The following GRM7 variants were observed in gnomAD, a reference collection of about 807,000 sequenced individuals.
The protein encoded by GRM7 is glutamate metabotropic receptor 7.
Under a neutral mutation model 84.5 loss-of-function variants are expected in GRM7, and 35 were observed. That is an observed-to-expected ratio of 0.41 (90% CI 0.32 to 0.55). The LOEUF is 0.55. Ranked by LOEUF, GRM7 falls within the 20% of genes least tolerant of loss-of-function variation. The pLI is 0.19. For synonymous variants in GRM7, 487 were observed against 455.1 expected (o/e 1.07, Z -0.89); for missense variants, 1,003 against 1,194.6 (o/e 0.84, Z 2.36).
intron 1 of GRM7, among the ~76,000 whole-genome samples, chr3:7,119,060 T>C (rs888449828): frequency 6.6e-6 from 1 of 152,222 alleles, no homozygotes; most frequent in African/African-American, 2.4e-5. Flanking sequence ...AATTCTCATT[T>C]TAAAAATCAG....
At chr3:7,690,051 A>C (rs1700738877) in intron 9 of GRM7, among the ~76,000 whole-genome samples, 1 of 152,228 alleles carries the variant, frequency 6.6e-6, no homozygotes, top group Non-Finnish European at 1.5e-5. Context: ...GGCTCCAGGC[A>C]GCCATAAACG....
chr3:7,200,964 ATTTTTT>A (rs71625339), intron 2 of GRM7, among the ~76,000 whole-genome samples: 3 of 98,160 alleles, frequency 3.1e-5, no homozygotes, highest in African/African-American at 4.3e-5. Flanking sequence ...ACATTTCAGA[ATTTTTT>A]TTTTTTTTTT....
chr3:6,991,457 A>G (rs993508072), intron 1 of GRM7, among the ~76,000 whole-genome samples: 3 of 152,220 alleles, frequency 2.0e-5, no homozygotes, highest in African/African-American at 7.2e-5. Flanking sequence ...AAATGAGAAC[A>G]TAAGATTGTA....
intron 7 of GRM7, among the ~76,000 whole-genome samples, chr3:7,538,614 A>G (rs941745883): frequency 4.6e-5 from 7 of 152,208 alleles, no homozygotes; most frequent in Non-Finnish European, 1.0e-4. Flanking sequence ...GTTTTAAAAT[A>G]TTAGTAAAAT....
At chr3:7,068,115 T>C (rs1039236034) in intron 1 of GRM7, among the ~76,000 whole-genome samples, 1 of 151,982 alleles carries the variant, frequency 6.6e-6, no homozygotes, top group African/African-American at 2.4e-5. Flanking sequence ...CATCTGAGAC[T>C]GGGAGATTGC....
At chr3:6,914,716 GAT>G (rs1329972714) in intron 1 of GRM7, among the ~76,000 whole-genome samples, 5 of 151,976 alleles carry the variant, frequency 3.3e-5, no homozygotes. Flanking sequence ...TTCACATTTT[GAT>G]ATGTCTATGA....
chr3:7,025,596 C>T (rs768716700), intron 1 of GRM7, among the ~76,000 whole-genome samples: 2 of 152,164 alleles, frequency 1.3e-5, no homozygotes, highest in South Asian at 2.1e-4. Context: ...TGCCTGCAGA[C>T]GTGCAGGTTT....
At chr3:7,601,976 C>T (rs1696335607) in intron 8 of GRM7, among the ~76,000 whole-genome samples, 2 of 149,756 alleles carry the variant, frequency 1.3e-5, no homozygotes, top group South Asian at 4.2e-4. Flanking sequence ...AACAATAAGC[C>T]ATGCGGAAAA....
At chr3:7,027,624 A>G (rs1316492953) in intron 1 of GRM7, among the ~76,000 whole-genome samples, 1 of 152,098 alleles carries the variant, frequency 6.6e-6, no homozygotes, top group Non-Finnish European at 1.5e-5. Context: ...AATGATCTTA[A>G]AGAAAACAAG....
chr3:7,669,572 A>G (rs1245231587), intron 8 of GRM7, among the ~76,000 whole-genome samples: 4 of 152,168 alleles, frequency 2.6e-5, no homozygotes, highest in Non-Finnish European at 5.9e-5. Context: ...GACCTAGAAG[A>G]ATCCTGCCTC....
intron 8 of GRM7, among the ~76,000 whole-genome samples, chr3:7,596,150 T>C (rs1329835503): frequency 6.6e-6 from 1 of 152,160 alleles, no homozygotes; most frequent in Non-Finnish European, 1.5e-5. Flanking sequence ...CAGAATCTGG[T>C]GATTGATGCT....
intron 2 of GRM7, among the ~76,000 whole-genome samples, chr3:7,175,420 T>C (rs577413067): frequency 6.6e-6 from 1 of 152,372 alleles, no homozygotes; most frequent in East Asian, 1.9e-4. Context: ...AGACTTTGTT[T>C]AGAATGTGGA....
chr3:7,093,462 G>T (rs1209142592), intron 1 of GRM7, among the ~76,000 whole-genome samples: 1 of 151,432 alleles, frequency 6.6e-6, no homozygotes, highest in Admixed American at 6.6e-5. Context: ...GGTGGATCAC[G>T]AGGTCAGGAG....
rs971864743 is a variant in GRM7, at chr3:7,583,380, A to G, written c.2451+4023A>G. 1.6e-4 allele frequency among the ~76,000 whole-genome samples: 25 copies of G among 152,204 alleles called. 1 individual carries two copies. The highest frequency in any genetic ancestry group is 9.8e-4 in the Admixed American group (15 of 15,282). On this transcript the variant is annotated intron_variant, in intron 8 of 9. Coordinates refer to ENST00000357716, the MANE Select transcript of GRM7 (RefSeq NM_000844.4). ...TAATAGAGGGATCAGAAAATTTGGC[A>G]GGTAGATAAATGTTTCTCCATCCAC...
At chr3:7,077,633 G>A (rs1013729680) in intron 1 of GRM7, among the ~76,000 whole-genome samples, 4 of 151,032 alleles carry the variant, frequency 2.6e-5, no homozygotes, top group Admixed American at 2.0e-4. Flanking sequence ...ATGATGGGTC[G>A]ATGGGTGCAC....
At chr3:7,218,993 G>C (rs898798018) in intron 2 of GRM7, among the ~76,000 whole-genome samples, 3 of 151,926 alleles carry the variant, frequency 2.0e-5, no homozygotes, top group African/African-American at 7.3e-5. Flanking sequence ...TGAAATTAAT[G>C]GTGCTTATTT....
chr3:7,508,526 A>G (rs2124973984), intron 7 of GRM7, among the ~76,000 whole-genome samples: 1 of 152,264 alleles, frequency 6.6e-6, no homozygotes, highest in East Asian at 1.9e-4. Context: ...TGGTTATATG[A>G]CCTGCTAAAT....
At chr3:7,326,781 C>G (rs1428064991) in intron 4 of GRM7, among the ~76,000 whole-genome samples, 26 of 151,326 alleles carry the variant, frequency 1.7e-4, no homozygotes, top group African/African-American at 2.4e-5. Flanking sequence ...TTGCAGTGAG[C>G]CGAGATCACG....
At chr3:7,463,138 T>C (rs1198438130) in intron 7 of GRM7, among the ~76,000 whole-genome samples, 2 of 152,162 alleles carry the variant, frequency 1.3e-5, no homozygotes, top group African/African-American at 4.8e-5. Flanking sequence ...TCAAGGTCTA[T>C]GGTACATAGG....
Sources: allele counts gnomAD v4.1 joint callset (sites outside exome capture counted in the v4.1 genomes callset), GRCh38; gene constraint gnomAD v4.1.1; transcripts MANE v1.5; gene names NCBI Gene and HGNC (gene_info 2026-07-23, HGNC 2026-07-21).